Variants in PTPN3 observed in about 807,000 individuals in gnomAD.
PTPN3 encodes the protein protein tyrosine phosphatase non-receptor type 3, also known as tyrosine-protein phosphatase non-receptor type 3.
PTPN3 carries 96 observed loss-of-function variants against 132.7 expected under a neutral mutation model. That is an observed-to-expected ratio of 0.72 (90% CI 0.61 to 0.86). The LOEUF is 0.86. Ranked by LOEUF, PTPN3 falls within the 40% of genes least tolerant of loss-of-function variation. The pLI, the probability that PTPN3 is intolerant of heterozygous loss-of-function variation, is 0.00. For missense variants in PTPN3, 1,125 were observed against 1,159.6 expected (o/e 0.97, Z 0.43); for synonymous variants, 398 against 429.0 (o/e 0.93, Z 0.89).
At chr9:109,455,493 T>C (rs116659460) in intron 4 of PTPN3, among the ~76,000 whole-genome samples, 2,216 of 152,314 alleles carry the variant, frequency 0.015, 51 homozygotes, top group African/African-American at 0.051. Context: ...CTACCCTCCC[T>C]GCTCTTTAGT....
At chr9:109,466,535 C>T (rs187092750) in intron 1 of PTPN3, among the ~76,000 whole-genome samples, 1 of 152,204 alleles carries the variant, frequency 6.6e-6, no homozygotes, top group Admixed American at 6.5e-5. Flanking sequence ...GACAGATGTC[C>T]CATAGACCAG....
chr9:109,533,126 ATTT>A, the PTPN3 span, among the ~76,000 whole-genome samples: 4 of 36,554 alleles, frequency 1.1e-4, no homozygotes, highest in African/African-American at 3.7e-4. Flanking sequence ...TACCTGGCTA[ATTT>A]TTTTTTTTTT....
chr9:109,487,707 C>G (rs1588505052), intron 1 of PTPN3, among the ~76,000 whole-genome samples: 3 of 152,302 alleles, frequency 2.0e-5, no homozygotes, highest in Admixed American at 2.0e-4. Context: ...AGAAACTCAG[C>G]AAGAAATGCC....
chr9:109,492,215 C>T (rs1391899590), intron 1 of PTPN3, among the ~76,000 whole-genome samples: 1 of 152,128 alleles, frequency 6.6e-6, no homozygotes, highest in Non-Finnish European at 1.5e-5. Context: ...TGGTTGCTGC[C>T]TCCCTCACCG....
At chr9:109,405,606 T>C (rs973518720) in intron 18 of PTPN3, among the ~76,000 whole-genome samples, 1 of 152,200 alleles carries the variant, frequency 6.6e-6, no homozygotes, top group East Asian at 1.9e-4. Flanking sequence ...GATTGAATGA[T>C]TGAGATGGAG....
chr9:109,477,152 G>A (rs536824428), intron 1 of PTPN3, among the ~76,000 whole-genome samples: 56 of 152,192 alleles, frequency 3.7e-4, no homozygotes, highest in Non-Finnish European at 7.3e-4. Flanking sequence ...GGAGGCAGAC[G>A]AATTACAGGT....
At chr9:109,490,399 A>G (rs950895146) in intron 1 of PTPN3, among the ~76,000 whole-genome samples, 2 of 152,172 alleles carry the variant, frequency 1.3e-5, no homozygotes, top group Non-Finnish European at 2.9e-5. Flanking sequence ...AACAGACTCA[A>G]TGTGAGGGGC....
rs150353247 is a variant in PTPN3 at position 109,404,541 on chromosome 9, G to C, written c.1860C>G (p.Phe620Leu). Reference protein sequence around the residue: ...ELNQLFPEAIFPMCPEGGDTL... With the variant: ...ELNQLFPEAILPMCPEGGDTL... ...TGTCCCCACCCTCCGGACACATGGGGAAAATGGCTTCGGGGAAAAGCTGGT... is the reference window on the plus strand; with the variant it reads ...TGTCCCCACCCTCCGGACACATGGGCAAAATGGCTTCGGGGAAAAGCTGGT... Residue 620 changes from phenylalanine to leucine, a missense_variant, in exon 19 of 26, where the codon TTC (phenylalanine) becomes TTG (leucine). Transcript: ENST00000374541. The C allele has an allele frequency of 9.4e-5, 148 of 1,569,812 alleles. No homozygotes were observed. In the African/African-American group the frequency reaches 1.7e-3, roughly 18 times the overall value.
intron 18 of PTPN3, 117 bp downstream of exon 18, chr9:109,406,345 T>C (rs1004881487): frequency 2.3e-6 from 3 of 1,325,840 alleles, no homozygotes; most frequent in Non-Finnish European, 3.1e-6. Flanking sequence ...CTGAAGATTC[T>C]TGATTTTCAA....
At position 109,436,910 on chromosome 9, in the gene PTPN3, G is replaced by T; in HGVS notation, c.648C>A (p.Phe216Leu). The change falls in exon 9 of 26, where the codon TTC (phenylalanine) becomes TTA (leucine). Residue 216 changes from phenylalanine (F) to leucine (L), a missense_variant. Coordinates refer to ENST00000374541, the MANE Select transcript of PTPN3 (RefSeq NM_002829.4). ...TACCACTGTGCAGTTCTACTCCATA[G>T]AAGTCGAGGGTCCGCGCTATGTTGA... ...CYINIARTLD[F>L]YGVELHSGRD... is the part of the protein sequence containing the mutation. 6.2e-7 allele frequency: 1 copy of T among 1,614,080 alleles called. No homozygotes were observed. Among genetic ancestry groups the T allele is most frequent in the African/African-American group, 1.3e-5 (1 of 75,028 alleles).
chr9:109,408,347 C>G lies in PTPN3; in HGVS notation c.1609G>C (p.Val537Leu). ...GGVDQKMPLV[V>L]SRINPESPAD... ...GGTGACTCTGGGTTTATCCTTGATA[C>G]CACAAGAGGCATCTTTTGATCCACT... The change falls in exon 17 of 26, where the codon GTA becomes CTA. Residue 537 changes from valine to leucine, a missense_variant. Val to Leu is a conservative substitution (Grantham distance 32, BLOSUM62 1). Coordinates refer to ENST00000374541, the MANE Select transcript of PTPN3 (RefSeq NM_002829.4). 1 of 1,584,386 alleles carries G rather than the reference C, an allele frequency of 6.3e-7. No homozygotes were observed. Among genetic ancestry groups the G allele is most frequent in the Non-Finnish European group, 8.6e-7 (1 of 1,161,332 alleles).
At chr9:109,509,237 C>T in the PTPN3 span, among the ~76,000 whole-genome samples, 3 of 152,162 alleles carry the variant, frequency 2.0e-5, no homozygotes, top group African/African-American at 7.2e-5. Context: ...GTTTTGATTT[C>T]ATTGCAATCT....
chr9:109,516,107 C>T, the PTPN3 span, among the ~76,000 whole-genome samples: 1 of 152,178 alleles, frequency 6.6e-6, no homozygotes, highest in Non-Finnish European at 1.5e-5. Flanking sequence ...TTTAATGAAG[C>T]CATCTGTCCT....
intron 1 of PTPN3, among the ~76,000 whole-genome samples, 179 bp from the exon 2 acceptor site, chr9:109,463,630 A>G (rs1845957220): frequency 6.6e-6 from 1 of 152,196 alleles, no homozygotes; most frequent in Non-Finnish European, 1.5e-5. Context: ...TCTAAGCAAT[A>G]TGTATTGCTA....
upstream of PTPN3, among the ~76,000 whole-genome samples, chr9:109,499,879 C>T (rs901249070): frequency 2.6e-5 from 4 of 152,158 alleles, no homozygotes; most frequent in African/African-American, 9.7e-5. Flanking sequence ...CCTCGAGTCG[C>T]CAGCAAAACC....
At chr9:109,485,771 C>A (rs1401780811) in intron 1 of PTPN3, among the ~76,000 whole-genome samples, 2 of 152,136 alleles carry the variant, frequency 1.3e-5, no homozygotes, top group Admixed American at 6.5e-5. Flanking sequence ...TGGAGCAGCT[C>A]ACGAGAGGGA....
intron 10 of PTPN3, chr9:109,429,077 TA>T: frequency 2.0e-6 from 2 of 984,078 alleles, no homozygotes; most frequent in Non-Finnish European, 2.4e-6. Context: ...CTCCATTACT[TA>T]ACAGCCACGT....
chr9:109,436,991 A>C lies in PTPN3; in HGVS notation c.588-21T>G, dbSNP rs753297086. 9 of 1,612,920 alleles carry C rather than the reference A, an allele frequency of 5.6e-6. No individual in the cohort carries two copies. The African/African-American group carries it at 1.2e-4, about 22-fold the overall frequency. The stretch of plus-strand genomic sequence containing the variant: ...GCCCACTACGGAAGAAAAGACAAAA[A>C]GCAGAGTTCATCCAATAAAGAGAGG... On this transcript the variant is annotated intron_variant, in intron 8 of 25. Transcript: ENST00000374541.
rs778951184 is a variant in PTPN3, at chr9:109,389,322, G to C, written c.2164C>G (p.Pro722Ala). 6 of 1,614,046 alleles carry C rather than the reference G, an allele frequency of 3.7e-6. No homozygotes were observed. Among genetic ancestry groups the C allele is most frequent in the Middle Eastern group, 1.6e-4 (1 of 6,078 alleles). The change falls in exon 22 of 26, where the codon CCG becomes GCG. Residue 722 changes from proline (P) to alanine (A), a missense_variant. Physicochemically the swap from Pro to Ala is conservative, Grantham distance 27 (BLOSUM62 -1). Coordinates refer to ENST00000374541, the MANE Select transcript of PTPN3 (RefSeq NM_002829.4). ...TGCCAAAACTGTGCACAGGTATGCG[G>C]CAGGGGCCCCTGAGTGGCGATGTAC... ...NKYIATQGPL[P>A]HTCAQFWQVV...
Sources: gnomAD v4.1 joint callset for allele counts (sites outside exome capture counted in the v4.1 genomes callset) on GRCh38, gnomAD v4.1.1 for gene constraint, MANE v1.5 for transcripts, NCBI Gene and HGNC (gene_info 2026-07-23, HGNC 2026-07-21) for gene names.